Variants in SPIRE2 observed in about 807,000 individuals in gnomAD.
SPIRE2 encodes the protein spire type actin nucleation factor 2, also known as protein spire homolog 2.
In SPIRE2, 76 loss-of-function variants were observed where a neutral mutation model predicts 80.7. The observed-to-expected ratio is 0.94, with a 90% CI of 0.78 to 1.14. The LOEUF is 1.14. Among genes scored for constraint, SPIRE2 ranks in the 50% most tolerant of loss-of-function variants. The pLI, the probability that SPIRE2 is intolerant of heterozygous loss-of-function variation, is 0.00. For synonymous variants in SPIRE2, 535 were observed against 432.6 expected, an observed-to-expected ratio of 1.24 and a Z score of -2.94; for missense variants, 1,196 against 1,015.3, an observed-to-expected ratio of 1.18 and a Z score of -2.42.
At chr16:89,836,636 A>C (rs1247386484) in intron 1 of SPIRE2, among the ~76,000 whole-genome samples, 1 of 152,092 alleles carries the variant, frequency 6.6e-6, no homozygotes, top group Non-Finnish European at 1.5e-5. Context: ...ATTCACCCAG[A>C]ACGACCTTGA....
chr16:89,836,655 G>A (rs1276930392), intron 1 of SPIRE2, among the ~76,000 whole-genome samples: 1 of 152,054 alleles, frequency 6.6e-6, no homozygotes, highest in Non-Finnish European at 1.5e-5. Flanking sequence ...GACCTCTGCT[G>A]TGAAGGTCTC....
At chr16:89,835,363 G>A (rs1427654639) in intron 1 of SPIRE2, among the ~76,000 whole-genome samples, 8 of 152,198 alleles carry the variant, frequency 5.3e-5, no homozygotes, top group African/African-American at 1.9e-4. Flanking sequence ...TTAATGGTGG[G>A]AATGTGGCCC....
intron 3 of SPIRE2, 65 bp from the exon 4 acceptor site, chr16:89,854,221 C>G (rs182989922): frequency 6.8e-7 from 1 of 1,469,616 alleles, no homozygotes; most frequent in East Asian, 2.4e-5. Context: ...CCCTGACGGA[C>G]GGGGCCCGTC....
At chr16:89,832,769 C>T (rs1380659958) in intron 1 of SPIRE2, among the ~76,000 whole-genome samples, 7 of 152,128 alleles carry the variant, frequency 4.6e-5, no homozygotes, top group Admixed American at 4.6e-4. Context: ...CCGGGCTGAG[C>T]AGTGCCCTTC....
intron 12 of SPIRE2, among the ~76,000 whole-genome samples, chr16:89,865,002 TC>T (rs2041776819): frequency 6.8e-6 from 1 of 147,222 alleles, no homozygotes; most frequent in East Asian, 2.0e-4. Context: ...ATACTTTTTT[TC>T]CTTTTTTTTT....
chr16:89,860,871 T>C (rs1369068668), intron 10 of SPIRE2, 76 bp downstream of exon 10: 3 of 939,060 alleles, frequency 3.2e-6, no homozygotes, highest in African/African-American at 3.5e-5. Context: ...GCCAGCCAGG[T>C]CTGGGAGATG....
chr16:89,831,871 G>A (rs752277359), intron 1 of SPIRE2, among the ~76,000 whole-genome samples: 2 of 151,204 alleles, frequency 1.3e-5, no homozygotes, highest in Admixed American at 6.6e-5. Flanking sequence ...CTGCTGTTTC[G>A]CAGCCCCGCG....
chr16:89,844,232 G>T (rs186241722), intron 1 of SPIRE2, among the ~76,000 whole-genome samples: 130 of 151,842 alleles, frequency 8.6e-4, no homozygotes, highest in African/African-American at 3.1e-3. Context: ...ATGATCTTGG[G>T]TCAGCCTCCA....
intron 1 of SPIRE2, among the ~76,000 whole-genome samples, chr16:89,835,332 T>C (rs1734849933): frequency 6.6e-6 from 1 of 152,228 alleles, no homozygotes; most frequent in Admixed American, 6.5e-5. Flanking sequence ...TTGGGGTCCC[T>C]GTGCTACTGT....
At chr16:89,841,884 A>C (rs954042206) in intron 1 of SPIRE2, among the ~76,000 whole-genome samples, 1 of 151,792 alleles carries the variant, frequency 6.6e-6, no homozygotes, top group Non-Finnish European at 1.5e-5. Context: ...ATGCGCCACC[A>C]TGCCCGGCTA....
chr16:89,865,004 CT>C (rs398042284), intron 12 of SPIRE2, among the ~76,000 whole-genome samples: 293 of 125,358 alleles, frequency 2.3e-3, no homozygotes, highest in East Asian at 6.2e-3. Context: ...ACTTTTTTTC[CT>C]TTTTTTTTTT....
At chr16:89,834,485 C>T (rs1223338856) in intron 1 of SPIRE2, among the ~76,000 whole-genome samples, 3 of 97,894 alleles carry the variant, frequency 3.1e-5, no homozygotes, top group South Asian at 4.4e-4. Flanking sequence ...CCTGCCCGCA[C>T]TCGCGGTTGG....
intron 6 of SPIRE2, 124 bp from the exon 7 acceptor site, chr16:89,855,989 C>G: frequency 1.4e-6 from 2 of 1,474,044 alleles, no homozygotes; most frequent in Non-Finnish European, 1.8e-6. Flanking sequence ...CAGGCTCTTC[C>G]GACTCCAGAG....
At chr16:89,868,679 C>A (rs1295279364) in intron 13 of SPIRE2, among the ~76,000 whole-genome samples, 2 of 151,894 alleles carry the variant, frequency 1.3e-5, no homozygotes, top group Non-Finnish European at 2.9e-5. Context: ...ATGGTGAAAC[C>A]CCATCTCTAC....
chr16:89,858,631 C>G, intron 8 of SPIRE2, 124 bp downstream of exon 8: 2 of 920,554 alleles, frequency 2.2e-6, no homozygotes, highest in South Asian at 2.3e-5. Context: ...CAGGAGCCCT[C>G]CCTTGAAACT....
rs78502615 is a variant in SPIRE2 at position 89,863,731 on chromosome 16, G to C, written c.1711-63G>C. 13,811 of 1,605,252 alleles carry C rather than the reference G, an allele frequency of 8.6e-3. 1,096 individuals are homozygous for C. The African/African-American group carries it at 0.16, about 19-fold the overall frequency. ...GTTGGGAGCCCTGAGGGGGTAGCAG[G>C]GACAGGGCGGGACCCCAGGGAGCTT... On this transcript the variant is annotated intron_variant, in intron 11 of 14. Coordinates refer to ENST00000378247, the MANE Select transcript of SPIRE2 (RefSeq NM_032451.2). This position sits in a 1 kb window ranked among gnomAD's most constrained non-coding sequence, Gnocchi z 4.3.
chr16:89,857,426 A>G (rs971671848), intron 7 of SPIRE2, among the ~76,000 whole-genome samples: 1 of 151,902 alleles, frequency 6.6e-6, no homozygotes, highest in Non-Finnish European at 1.5e-5. Flanking sequence ...GTGAGCCACC[A>G]TTCCCTGCCT....
At chr16:89,857,596 G>C (rs1443047539) in intron 7 of SPIRE2, among the ~76,000 whole-genome samples, 2 of 150,498 alleles carry the variant, frequency 1.3e-5, no homozygotes, top group Admixed American at 1.3e-4. Flanking sequence ...TTGAGATGGA[G>C]TTTCGCCCTT....
In SPIRE2 at chr16:89,845,448, T is replaced by C. The variant is rs1250193796; in HGVS notation, c.288+83T>C. ...TAAAATGTAAATCATAAAACATATA[T>C]AGTTACACAGTTGTTTCAGGGAGGC... On this transcript the variant is annotated intron_variant, in intron 2 of 14. Transcript: ENST00000378247. 21 of 1,257,944 alleles carry C rather than the reference T, an allele frequency of 1.7e-5. No homozygotes were observed. In the Admixed American group the frequency reaches 3.4e-4, roughly 20 times the overall value. 77.9% of individuals were successfully genotyped at this position (1,257,944 alleles called of 1,614,324 possible). A position where few individuals can be genotyped will look rare whatever the true frequency, so the allele number is the denominator to read the frequency against.
Sources: gnomAD v4.1 joint callset for allele counts (sites outside exome capture counted in the v4.1 genomes callset) on GRCh38, gnomAD v4.1.1 for gene constraint, Gnocchi (gnomAD v3.1) non-coding constraint, MANE v1.5 for transcripts, NCBI Gene and HGNC (gene_info 2026-07-23, HGNC 2026-07-21) for gene names.